HPSE2: variants seen among roughly 807,000 people sequenced by gnomAD.
HPSE2 encodes heparanase 2 (inactive), also known as inactive heparanase-2.
Under a neutral mutation model 60.5 loss-of-function variants are expected in HPSE2, and 38 were observed. That is an observed-to-expected ratio of 0.63 (90% confidence interval 0.48 to 0.82). HPSE2 has a LOEUF of 0.82. Ranked by LOEUF, HPSE2 falls within the 40% of genes least tolerant of loss-of-function variation. The pLI is 0.00. For missense variants in HPSE2, 713 were observed against 740.4 expected (o/e 0.96, Z 0.43); for synonymous variants, 295 against 293.2 (o/e 1.01, Z -0.06).
intron 2 of HPSE2, among the ~76,000 whole-genome samples, chr10:99,156,782 A>G (rs975644695): frequency 8.2e-6 from 1 of 122,078 alleles, no homozygotes; most frequent in Non-Finnish European, 1.9e-5. Flanking sequence ...AATAAAGGGT[A>G]TTCAATTAGG....
At chr10:98,954,575 C>A (rs1955455702) in intron 3 of HPSE2, among the ~76,000 whole-genome samples, 1 of 152,066 alleles carries the variant, frequency 6.6e-6, no homozygotes, top group African/African-American at 2.4e-5. Flanking sequence ...CCAGTGGTTG[C>A]CTCTGAATCA....
rs1296237917 is a variant in HPSE2 at position 99,144,396 on chromosome 10, A to G, written c.452T>C (p.Ile151Thr). ...DYYLKNYEDD[I>T]VRSDVALDKQ... is the part of the protein sequence containing the mutation. ...ATCTAAGGCAACATCACTTCGAACAATGTCTACAAAAAGAAAGAAAGAAGG... is the reference window on the plus strand; with the variant it reads ...ATCTAAGGCAACATCACTTCGAACAGTGTCTACAAAAAGAAAGAAAGAAGG... Residue 151 changes from isoleucine (I) to threonine (T), a missense_variant, in exon 3 of 12, where the codon ATT (isoleucine) becomes ACT (threonine). Ile to Thr is a moderately conservative substitution (Grantham distance 89). Transcript: ENST00000370552. The G allele has an allele frequency of 1.2e-6, 2 of 1,613,390 alleles. No individual in the cohort carries two copies. Among genetic ancestry groups the G allele is most frequent in the Non-Finnish European group, 1.7e-6 (2 of 1,179,964 alleles).
intron 2 of HPSE2, among the ~76,000 whole-genome samples, chr10:99,211,513 C>T (rs1848952541): frequency 6.6e-6 from 1 of 151,980 alleles, no homozygotes; most frequent in Non-Finnish European, 1.5e-5. Context: ...TAAAAAATGG[C>T]ACATATACCA....
rs1845971797 is a variant in HPSE2, at chr10:99,144,308, C to G, written c.540G>C (p.Lys180Asn). The change falls in exon 3 of 12, where the codon AAG becomes AAC. Residue 180 changes from lysine to asparagine, a missense_variant. By Grantham distance (94) the Lys-to-Asn change is moderately conservative. Coordinates refer to ENST00000370552, the MANE Select transcript of HPSE2 (RefSeq NM_021828.5). The stretch of plus-strand genomic sequence containing the variant: ...GAAGAACCAGATGCATCTGAGCTGC[C>G]TTCTCCCTTTGGAGCTCCAGCATAA... ...PDVMLELQREKAAQMHLVLLK... is the reference protein window; with the variant it reads ...PDVMLELQRENAAQMHLVLLK... 6.2e-7 allele frequency: 1 copy of G among 1,614,120 alleles called. No homozygotes were observed. The highest frequency in any genetic ancestry group is 2.2e-5 in the East Asian group (1 of 44,876).
chr10:98,531,786 G>A (rs1943138354), intron 9 of HPSE2, among the ~76,000 whole-genome samples: 1 of 151,952 alleles, frequency 6.6e-6, no homozygotes, highest in South Asian at 2.1e-4. Flanking sequence ...GAAGCCCCCT[G>A]GTGACTCTGT....
At chr10:98,883,315 C>A (rs1953077588) in intron 3 of HPSE2, among the ~76,000 whole-genome samples, 1 of 152,096 alleles carries the variant, frequency 6.6e-6, no homozygotes, top group South Asian at 2.1e-4. Flanking sequence ...ATTCCAAAAT[C>A]ATATGGAAAA....
At chr10:98,857,948 A>G (rs1421891342) in intron 3 of HPSE2, among the ~76,000 whole-genome samples, 1 of 152,228 alleles carries the variant, frequency 6.6e-6, no homozygotes, top group Non-Finnish European at 1.5e-5. Context: ...TGAGAAAAAT[A>G]TAATTTTATA....
At chr10:98,966,306 G>A (rs545138220) in intron 3 of HPSE2, among the ~76,000 whole-genome samples, 37 of 152,148 alleles carry the variant, frequency 2.4e-4, no homozygotes, top group Non-Finnish European at 3.5e-4. Context: ...CTTGTGTGAA[G>A]GTTCTGAGGT....
chr10:99,001,253 T>C lies in HPSE2; in HGVS notation c.610+142985A>G, dbSNP rs1956771424. On this transcript the variant is annotated intron_variant, in intron 3 of 11. Coordinates refer to ENST00000370552, the MANE Select transcript of HPSE2 (RefSeq NM_021828.5). ...ACCACTATGAAGCCTTATGATTTAT[T>C]TTCTCTCACTATAGGTCACAGCATA... is the stretch of plus-strand genomic sequence containing the variant. Among the ~76,000 whole-genome samples, 3 of 152,092 alleles carry C rather than the reference T, an allele frequency of 2.0e-5. No homozygotes were observed. The South Asian group carries it at 6.2e-4, about 31-fold the overall frequency.
Position 98,620,684 on chromosome 10 carries a change from T to C in HPSE2, c.1123A>G (p.Lys375Glu). 6.2e-7 allele frequency: 1 copy of C among 1,613,900 alleles called. No homozygotes were observed. The highest frequency in any genetic ancestry group is 8.5e-7 in the Non-Finnish European group (1 of 1,179,824). The change falls in exon 8 of 12, where the codon AAG becomes GAG. Residue 375 changes from lysine (K) to glutamate (E), a missense_variant. Transcript: ENST00000370552. ...QKVVNTYTPGKKIWLEGVVTT... is the reference protein window; with the variant it reads ...QKVVNTYTPGEKIWLEGVVTT... ...ACCACACCTTCAAGCCAAATCTTCT[T>C]TCCTGGAGTGTATGTATTAACCACC...
chr10:98,557,138 G>A (rs180711501), intron 9 of HPSE2, among the ~76,000 whole-genome samples: 270 of 152,092 alleles, frequency 1.8e-3, no homozygotes, highest in Non-Finnish European at 2.5e-3. Flanking sequence ...GCATGAACCC[G>A]GGAGGTGGAG....
intron 6 of HPSE2, among the ~76,000 whole-genome samples, chr10:98,669,767 A>G (rs1249914153): frequency 6.6e-6 from 1 of 152,186 alleles, no homozygotes; most frequent in Admixed American, 6.5e-5. Context: ...ATGAAAAACC[A>G]TCTGTTGGGT....
intron 4 of HPSE2, among the ~76,000 whole-genome samples, chr10:98,742,096 G>A (rs1949511302): frequency 6.6e-6 from 1 of 152,116 alleles, no homozygotes; most frequent in African/African-American, 2.4e-5. Flanking sequence ...TGCTTTTGTT[G>A]TCAAATGTAT....
Position 99,173,943 on chromosome 10 carries a change from C to CAAA in HPSE2, c.449-29547_449-29545dup, listed in dbSNP as rs61074165. Among the ~76,000 whole-genome samples the CAAA allele has an allele frequency of 2.0e-3, 199 of 99,922 alleles. 9 individuals are homozygous for CAAA. Among genetic ancestry groups the CAAA allele is most frequent in the African/African-American group, 0.012 (186 of 15,864 alleles). The allele number at this position is 99,922 out of a possible 152,430, so 65.6% of individuals were successfully genotyped here. A position where few individuals can be genotyped will look rare whatever the true frequency, so the allele number is the denominator to read the frequency against. Reference sequence around the variant, plus strand: ...GAGCAACAAGAGCGAGACTCTGTCTCAAAAAAAAAAAAAAAAAAAAAAAAA... The same window carrying CAAA: ...GAGCAACAAGAGCGAGACTCTGTCTCAAAAAAAAAAAAAAAAAAAAAAAAAAAA... On this transcript the variant is annotated intron_variant, in intron 2 of 11. Transcript: ENST00000370552.
intron 9 of HPSE2, among the ~76,000 whole-genome samples, chr10:98,586,832 C>A (rs2184817): frequency 6.6e-6 from 1 of 151,970 alleles, no homozygotes; most frequent in East Asian, 1.9e-4. Context: ...TATCATCAGT[C>A]GTGGGTGCTC....
At chr10:98,683,895 A>G (rs1159800634) in intron 6 of HPSE2, among the ~76,000 whole-genome samples, 1 of 152,174 alleles carries the variant, frequency 6.6e-6, no homozygotes, top group Non-Finnish European at 1.5e-5. Context: ...AGAAGATCTT[A>G]AAAGTATCAA....
At chr10:98,498,338 C>T (rs1941920388) in intron 9 of HPSE2, among the ~76,000 whole-genome samples, 1 of 152,162 alleles carries the variant, frequency 6.6e-6, no homozygotes, top group African/African-American at 2.4e-5. Context: ...AGACAACCCC[C>T]AGTACCAGCT....
intron 9 of HPSE2, among the ~76,000 whole-genome samples, chr10:98,603,439 G>GGTTT: frequency 6.9e-6 from 1 of 144,214 alleles, no homozygotes; most frequent in Admixed American, 7.0e-5. Context: ...CTGTTTTTTT[G>GGTTT]TTTTTTTTTT....
chr10:99,088,163 C>A (rs764859497), intron 3 of HPSE2, among the ~76,000 whole-genome samples: 1 of 151,988 alleles, frequency 6.6e-6, no homozygotes, highest in African/African-American at 2.4e-5. Flanking sequence ...CTTTAGGTCT[C>A]CCTCAAATGC....
Sources: allele counts gnomAD v4.1 joint callset (sites outside exome capture counted in the v4.1 genomes callset), GRCh38; gene constraint gnomAD v4.1.1; transcripts MANE v1.5; gene names NCBI Gene and HGNC (gene_info 2026-07-23, HGNC 2026-07-21).